MAP3K4: variants seen among roughly 807,000 people sequenced by gnomAD.
MAP3K4 encodes the protein mitogen-activated protein kinase kinase kinase 4, also known as MAP three kinase 1.
A neutral mutation model predicts 185.6 loss-of-function variants in MAP3K4; 67 were observed. That is an observed-to-expected ratio of 0.36 (90% CI 0.30 to 0.44). MAP3K4 has a LOEUF of 0.44. Ranked by LOEUF, MAP3K4 falls within the 20% of genes least tolerant of loss-of-function variation. The pLI is 1.00. For missense variants in MAP3K4, 1,551 were observed against 1,995.1 expected, an observed-to-expected ratio of 0.78 and a Z score of 4.24; for synonymous variants, 702 against 710.4, an observed-to-expected ratio of 0.99 and a Z score of 0.19.
Position 161,109,034 on chromosome 6 carries a change from C to T in MAP3K4, c.4236+175C>T. 2 of 1,544,910 alleles carry T rather than the reference C, an allele frequency of 1.3e-6. No individual in the cohort carries two copies. The highest frequency in any genetic ancestry group is 1.2e-5 in the South Asian group (1 of 85,234). Reference sequence around the variant, plus strand: ...TCTCTCTGAAACTAGAGGAGTTCCTCCTAAAATGTAAGTTGTAGACTGTAG... The same window carrying T: ...TCTCTCTGAAACTAGAGGAGTTCCTTCTAAAATGTAAGTTGTAGACTGTAG... On this transcript the variant is annotated intron_variant, in intron 22 of 26. Transcript: ENST00000392142. The surrounding 1 kb of genome is among the most constrained non-coding windows in gnomAD (Gnocchi z 5.7).
At chr6:161,078,965 A>G (rs898305108) in intron 5 of MAP3K4, among the ~76,000 whole-genome samples, 2 of 152,162 alleles carry the variant, frequency 1.3e-5, no homozygotes, top group East Asian at 1.9e-4. Flanking sequence ...TGTAATCCCA[A>G]CACTTTGGGA....
chr6:161,004,452 A>G (rs762327406), intron 1 of MAP3K4, among the ~76,000 whole-genome samples: 2 of 152,212 alleles, frequency 1.3e-5, no homozygotes, highest in Non-Finnish European at 2.9e-5. Flanking sequence ...ACAACTCATC[A>G]ATAACAACAT....
At chr6:161,030,823 A>G (rs1782892785) in intron 1 of MAP3K4, among the ~76,000 whole-genome samples, 1 of 152,222 alleles carries the variant, frequency 6.6e-6, no homozygotes, top group Admixed American at 6.5e-5. Flanking sequence ...TCTGACATGT[A>G]GGTGTTACTA....
chr6:161,011,113 GAA>G (rs1331467015), intron 1 of MAP3K4, among the ~76,000 whole-genome samples: 1 of 152,196 alleles, frequency 6.6e-6, no homozygotes, highest in Non-Finnish European at 1.5e-5. Flanking sequence ...AAGGTGGAGA[GAA>G]AACAAGGTGC....
intron 1 of MAP3K4, among the ~76,000 whole-genome samples, chr6:161,027,637 G>A (rs1168754776): frequency 3.9e-5 from 6 of 152,152 alleles, no homozygotes; most frequent in African/African-American, 7.2e-5. Flanking sequence ...CAGTGGACCC[G>A]CACTAAAAGA....
At position 161,116,858 on chromosome 6, in the gene MAP3K4, A is replaced by C; in HGVS notation, c.4815A>C (p.Thr1605=). The change falls in exon 27 of 27, where the codon ACA becomes ACC. Residue 1605 remains threonine (T), a synonymous_variant. Transcript: ENST00000392142. The surrounding 1 kb of genome is among the most constrained non-coding windows in gnomAD (Gnocchi z 6.2). ...CTCCTGCTTCCTCACAGGTTTGCACAGATGAAGAATGAAGCCTAGTAGAAT... is the reference window on the plus strand; with the variant it reads ...CTCCTGCTTCCTCACAGGTTTGCACCGATGAAGAATGAAGCCTAGTAGAAT... ...LLDHSFVKVC[T]DEE 5.6e-6 allele frequency: 9 copies of C among 1,614,144 alleles called. No individual in the cohort carries two copies. Among genetic ancestry groups the C allele is most frequent in the Non-Finnish European group, 6.8e-6 (8 of 1,179,964 alleles).
At chr6:161,085,088 G>A (rs1785639257) in intron 7 of MAP3K4, among the ~76,000 whole-genome samples, 1 of 151,558 alleles carries the variant, frequency 6.6e-6, no homozygotes, top group Non-Finnish European at 1.5e-5. Context: ...AGAGGTTGCA[G>A]TGAGCCAAGA....
Position 160,992,095 on chromosome 6 carries a change from G to C in MAP3K4, c.152+12G>C. The C allele has an allele frequency of 1.3e-6, 2 of 1,543,460 alleles. No homozygotes were observed. Among genetic ancestry groups the C allele is most frequent in the Non-Finnish European group, 1.7e-6 (2 of 1,153,096 alleles). ...TGCTTGGCGGCGAGGTGAGTGTGGC[G>C]GCCGCAGTCGGTCGCTCGCAGAAAG... On this transcript the variant is annotated intron_variant, in intron 1 of 26. Coordinates refer to ENST00000392142, the MANE Select transcript of MAP3K4 (RefSeq NM_005922.4).
chr6:161,060,399 G>A (rs1784430434), intron 3 of MAP3K4, among the ~76,000 whole-genome samples: 1 of 151,918 alleles, frequency 6.6e-6, no homozygotes, highest in Admixed American at 6.6e-5. Flanking sequence ...AAACATATTT[G>A]GTATGTTTCA....
At chr6:161,055,463 G>T (rs1784185675) in intron 3 of MAP3K4, among the ~76,000 whole-genome samples, 1 of 152,136 alleles carries the variant, frequency 6.6e-6, no homozygotes, top group African/African-American at 2.4e-5. Flanking sequence ...ATTCTTATAT[G>T]CTCTTCATCC....
At chr6:161,058,834 C>T (rs1352088251) in intron 3 of MAP3K4, among the ~76,000 whole-genome samples, 3 of 151,542 alleles carry the variant, frequency 2.0e-5, no homozygotes, top group African/African-American at 7.3e-5. Flanking sequence ...ATGAATGTAC[C>T]ATAACTTATT....
At position 161,097,306 on chromosome 6, in the gene MAP3K4, C is replaced by T; in HGVS notation, c.3524+130C>T. ...TCTGCATTGTTCGTACGTAAAAGCT[C>T]TTACTTGCATTATCTTGAAACCTTT... is the stretch of plus-strand genomic sequence containing the variant. On this transcript the variant is annotated intron_variant, in intron 16 of 26. Coordinates refer to ENST00000392142, the MANE Select transcript of MAP3K4 (RefSeq NM_005922.4). This position sits in a 1 kb window ranked among gnomAD's most constrained non-coding sequence, Gnocchi z 4.9. 2 of 678,674 alleles carry T rather than the reference C, an allele frequency of 2.9e-6. No homozygotes were observed. The highest frequency in any genetic ancestry group is 5.5e-5 in the Admixed American group (2 of 36,240). The allele number at this position is 678,674 out of a possible 1,614,324, so 42.0% of individuals were successfully genotyped here. A position where few individuals can be genotyped will look rare whatever the true frequency, so the allele number is the denominator to read the frequency against.
At chr6:161,059,530 C>T (rs1228699253) in intron 3 of MAP3K4, among the ~76,000 whole-genome samples, 1 of 152,110 alleles carries the variant, frequency 6.6e-6, no homozygotes, top group East Asian at 1.9e-4. Context: ...TTATTTTGCT[C>T]ATTTTCTGTT....
intron 2 of MAP3K4, among the ~76,000 whole-genome samples, chr6:161,044,248 G>C (rs534640545): frequency 6.6e-6 from 1 of 152,156 alleles, no homozygotes; most frequent in Non-Finnish European, 1.5e-5. Flanking sequence ...AACTATTTTT[G>C]TAGTCCTGTA....
chr6:161,023,635 C>G (rs1782505549), intron 1 of MAP3K4, among the ~76,000 whole-genome samples: 1 of 152,214 alleles, frequency 6.6e-6, no homozygotes, highest in Non-Finnish European at 1.5e-5. Context: ...TTCAGACTCT[C>G]TGGTCAGAAT....
chr6:161,062,150 C>T (rs1446660824), intron 3 of MAP3K4, among the ~76,000 whole-genome samples: 1 of 152,032 alleles, frequency 6.6e-6, no homozygotes, highest in East Asian at 1.9e-4. Context: ...CTTAATATCC[C>T]CTCTTCAATT....
At chr6:161,068,215 A>G (rs891549525) in intron 3 of MAP3K4, among the ~76,000 whole-genome samples, 1 of 152,234 alleles carries the variant, frequency 6.6e-6, no homozygotes, top group Non-Finnish European at 1.5e-5. Context: ...GTAAAGCATG[A>G]TAAATACAAC....
chr6:161,025,031 C>G (rs1782578514), intron 1 of MAP3K4, among the ~76,000 whole-genome samples: 1 of 149,902 alleles, frequency 6.7e-6, no homozygotes, highest in Non-Finnish European at 1.5e-5. Flanking sequence ...ATCCATCCAT[C>G]CACCCACCCA....
In MAP3K4 at chr6:161,076,546, T is replaced by C. The variant is rs140160375; in HGVS notation, c.2097+2934T>C. ...TCTAAATCAAAGCTGTGAATTGTTA[T>C]CTCATTTCCTGGGTCCCTGGCCTCA... On this transcript the variant is annotated intron_variant, in intron 5 of 26. Coordinates refer to ENST00000392142, the MANE Select transcript of MAP3K4 (RefSeq NM_005922.4). This position sits in a 1 kb window ranked among gnomAD's most constrained non-coding sequence, Gnocchi z 4.2. Among the ~76,000 whole-genome samples the C allele has an allele frequency of 1.7e-3, 252 of 152,328 alleles. 1 individual carries two copies. Among genetic ancestry groups the C allele is most frequent in the Middle Eastern group, 6.8e-3 (2 of 294 alleles).
Sources: gnomAD v4.1 joint callset for allele counts (sites outside exome capture counted in the v4.1 genomes callset) on GRCh38, gnomAD v4.1.1 for gene constraint, Gnocchi (gnomAD v3.1) non-coding constraint, MANE v1.5 for transcripts, NCBI Gene and HGNC (gene_info 2026-07-23, HGNC 2026-07-21) for gene names.